Variants in RAB38 observed in about 807,000 individuals in gnomAD.
RAB38 encodes the protein RAB38, member RAS oncogene family.
Under a neutral mutation model 18.4 loss-of-function variants are expected in RAB38, and 15 were observed. The observed-to-expected ratio is 0.82, with a 90% CI of 0.55 to 1.26. The LOEUF is 1.26. RAB38 is among the 50% of genes most tolerant of loss of function. The pLI is 0.00. For synonymous variants in RAB38, 101 were observed against 104.4 expected, an observed-to-expected ratio of 0.97 and a Z score of 0.20; for missense variants, 294 against 267.4, an observed-to-expected ratio of 1.10 and a Z score of -0.69.
chr11:87,948,934 C>T, the RAB38 span, among the ~76,000 whole-genome samples: 10 of 151,990 alleles, frequency 6.6e-5, no homozygotes, highest in African/African-American at 1.9e-4. Flanking sequence ...CCCTCTTTTT[C>T]TATTGATTGG....
chr11:88,121,931 A>C (rs565560046), intron 2 of RAB38, among the ~76,000 whole-genome samples: 17 of 152,344 alleles, frequency 1.1e-4, no homozygotes, highest in African/African-American at 3.8e-4. Context: ...ATGTTTTCTA[A>C]GTTTTTGGCT....
the RAB38 span, among the ~76,000 whole-genome samples, chr11:88,023,181 G>C: frequency 6.6e-6 from 1 of 151,896 alleles, no homozygotes. Context: ...AAAAATGTTA[G>C]TTAATATTTT....
chr11:87,968,537 T>C, the RAB38 span, among the ~76,000 whole-genome samples: 1 of 151,928 alleles, frequency 6.6e-6, no homozygotes, highest in African/African-American at 2.4e-5. Flanking sequence ...TGGTGGTGAG[T>C]CAGCTTCAAG....
the RAB38 span, among the ~76,000 whole-genome samples, chr11:87,937,338 A>ATC: frequency 8.8e-6 from 1 of 114,256 alleles, no homozygotes; most frequent in African/African-American, 3.8e-5. Flanking sequence ...ATATATATAT[A>ATC]TATATATATA....
the RAB38 span, among the ~76,000 whole-genome samples, chr11:87,859,024 C>T: frequency 1.3e-5 from 2 of 150,346 alleles, no homozygotes; most frequent in South Asian, 4.2e-4. Flanking sequence ...AAGAACATAA[C>T]AAATAATAAA....
the RAB38 span, among the ~76,000 whole-genome samples, chr11:88,020,359 G>A: frequency 2.0e-5 from 3 of 152,068 alleles, no homozygotes; most frequent in Middle Eastern, 3.4e-3. Context: ...AGACAAAGAA[G>A]GTCATTATAT....
the RAB38 span, among the ~76,000 whole-genome samples, chr11:87,831,535 C>CA: frequency 6.6e-6 from 1 of 151,946 alleles, no homozygotes; most frequent in Non-Finnish European, 1.5e-5. Context: ...TAGGAAAGCC[C>CA]AAAAAAGCAT....
chr11:87,818,349 T>A, the RAB38 span, among the ~76,000 whole-genome samples: 1 of 152,190 alleles, frequency 6.6e-6, no homozygotes, highest in Non-Finnish European at 1.5e-5. Context: ...ACTATTGAGA[T>A]TTACTTGGCA....
chr11:88,067,915 TTA>T, the RAB38 span, among the ~76,000 whole-genome samples: 2 of 147,938 alleles, frequency 1.4e-5, no homozygotes, highest in Admixed American at 6.7e-5. Context: ...TAAGGTAAAA[TTA>T]TATATATATA....
the RAB38 span, among the ~76,000 whole-genome samples, chr11:87,950,001 C>T: frequency 6.6e-6 from 1 of 152,118 alleles, no homozygotes; most frequent in African/African-American, 2.4e-5. Context: ...GTTAAAGTCT[C>T]CCATTATTAA....
the RAB38 span, among the ~76,000 whole-genome samples, chr11:87,890,767 T>TCTAA: frequency 6.6e-6 from 1 of 151,906 alleles, no homozygotes; most frequent in African/African-American, 2.4e-5. Flanking sequence ...CTTGGAAATC[T>TCTAA]CTAACTTATT....
intron 2 of RAB38, among the ~76,000 whole-genome samples, chr11:88,143,836 AT>A: frequency 6.6e-6 from 1 of 152,294 alleles, no homozygotes; most frequent in African/African-American, 2.4e-5. Context: ...CTATTCTCCT[AT>A]TATACAGTAT....
chr11:87,918,033 G>A, the RAB38 span: 1 of 151,946 alleles, frequency 6.6e-6, no homozygotes, highest in African/African-American at 2.4e-5. Flanking sequence ...TGTGTCCTCT[G>A]ACAAACACCT....
At chr11:87,976,687 A>C in the RAB38 span, among the ~76,000 whole-genome samples, 5 of 122,760 alleles carry the variant, frequency 4.1e-5, no homozygotes, top group African/African-American at 1.6e-4. Context: ...ATATTTATAT[A>C]TTTACAATAT....
rs376141321 is a variant in RAB38 at position 88,175,133 on chromosome 11, A to T, written c.202+50T>A. ...CGCAAGCCGCTGCCTCGAGACTGGAAACCGGCCGCGAGGCGCTCTATCCCC... is the reference window on the plus strand; with the variant it reads ...CGCAAGCCGCTGCCTCGAGACTGGATACCGGCCGCGAGGCGCTCTATCCCC... On this transcript the variant is annotated intron_variant, in intron 1 of 2. Transcript: ENST00000243662. 7.6e-4 allele frequency: 1,140 copies of T among 1,499,974 alleles called. 1 individual carries two copies. The highest frequency in any genetic ancestry group is 9.6e-4 in the Non-Finnish European group (1,077 of 1,116,558). The allele number at this position is 1,499,974 out of a possible 1,614,324, so 92.9% of individuals were successfully genotyped here.
At chr11:88,140,714 C>T (rs1185861564) in intron 2 of RAB38, among the ~76,000 whole-genome samples, 1 of 152,044 alleles carries the variant, frequency 6.6e-6, no homozygotes, top group Non-Finnish European at 1.5e-5. Flanking sequence ...TGCAGTTTAA[C>T]ACAACCATGG....
At chr11:88,006,574 C>T in the RAB38 span, among the ~76,000 whole-genome samples, 1 of 144,616 alleles carries the variant, frequency 6.9e-6, no homozygotes, top group African/African-American at 2.5e-5. Flanking sequence ...TATATATATA[C>T]ACATTATATA....
intron 2 of RAB38, among the ~76,000 whole-genome samples, chr11:88,141,133 G>A (rs1211768210): frequency 6.6e-6 from 1 of 152,102 alleles, no homozygotes; most frequent in East Asian, 1.9e-4. Flanking sequence ...TTTTTTCTCA[G>A]ATAGAATCAA....
At chr11:88,172,102 C>T (rs1036686946) in intron 1 of RAB38, among the ~76,000 whole-genome samples, 47 of 152,244 alleles carry the variant, frequency 3.1e-4, no homozygotes, top group African/African-American at 1.0e-3. Context: ...CAAGTGCAAA[C>T]AGCAAGGCTT....
Sources: allele counts gnomAD v4.1 joint callset (sites outside exome capture counted in the v4.1 genomes callset), GRCh38; gene constraint gnomAD v4.1.1; transcripts MANE v1.5; gene names NCBI Gene and HGNC (gene_info 2026-07-23, HGNC 2026-07-21).